Variants in GLIS3 observed in about 807,000 individuals in gnomAD.
GLIS3 encodes GLIS family zinc finger 3.
A neutral mutation model predicts 78.6 loss-of-function variants in GLIS3; 53 were observed. The ratio of observed to expected loss-of-function variants is 0.67; its 90% CI spans 0.54 to 0.85. The LOEUF (loss-of-function observed/expected upper bound fraction) is 0.85. Among genes scored for constraint, GLIS3 ranks in the 40% least tolerant of loss-of-function variants. The probability of loss-of-function intolerance (pLI) is 0.00; values close to 1 mark genes in which losing one functional copy is unlikely to be tolerated. For missense variants in GLIS3, 1,703 were observed against 1,231.1 expected (o/e 1.38, Z -5.74); for synonymous variants, 684 against 509.9 (o/e 1.34, Z -4.60).
intron 2 of GLIS3, among the ~76,000 whole-genome samples, chr9:4,333,936 G>A (rs747906078): frequency 3.3e-5 from 5 of 152,184 alleles, no homozygotes; most frequent in Non-Finnish European, 5.9e-5. Context: ...ATCCTACCTG[G>A]AATGGTGCCA....
chr9:4,361,578 C>G, the GLIS3 span, among the ~76,000 whole-genome samples: 3 of 152,206 alleles, frequency 2.0e-5, no homozygotes, highest in African/African-American at 7.2e-5. Flanking sequence ...CTCTGTTACT[C>G]GCCTGAGATG....
intron 2 of GLIS3, among the ~76,000 whole-genome samples, chr9:4,199,754 G>C (rs1819196624): frequency 6.6e-6 from 1 of 151,984 alleles, no homozygotes; most frequent in Non-Finnish European, 1.5e-5. Flanking sequence ...AGATCATTGA[G>C]GCAAAAAACA....
chr9:4,174,857 C>T (rs1004420672), intron 2 of GLIS3, among the ~76,000 whole-genome samples: 1 of 152,072 alleles, frequency 6.6e-6, no homozygotes, highest in Non-Finnish European at 1.5e-5. Flanking sequence ...GGCATCTGAC[C>T]TGGTTTAATT....
At chr9:4,385,910 C>G in the GLIS3 span, among the ~76,000 whole-genome samples, 6 of 152,154 alleles carry the variant, frequency 3.9e-5, no homozygotes, top group East Asian at 9.6e-4. Context: ...TTCTAATCTC[C>G]TGTACCACTT....
the GLIS3 span, among the ~76,000 whole-genome samples, chr9:4,471,817 G>T: frequency 6.6e-6 from 1 of 152,102 alleles, no homozygotes; most frequent in Non-Finnish European, 1.5e-5. Flanking sequence ...GAGTGAACAG[G>T]CAACCTACAG....
At chr9:4,320,703 A>G (rs375542607) in intron 2 of GLIS3, among the ~76,000 whole-genome samples, 22 of 151,886 alleles carry the variant, frequency 1.4e-4, no homozygotes, top group African/African-American at 4.8e-4. Context: ...CACCACTACT[A>G]CTATCTCTAC....
chr9:4,042,713 CCAAAAA>C (rs1390787506), intron 4 of GLIS3, among the ~76,000 whole-genome samples: 1 of 151,976 alleles, frequency 6.6e-6, no homozygotes, highest in Non-Finnish European at 1.5e-5. Flanking sequence ...AACAAAACTC[CCAAAAA>C]CAAAAACTGT....
At chr9:4,409,978 T>A in the GLIS3 span, among the ~76,000 whole-genome samples, 1 of 152,146 alleles carries the variant, frequency 6.6e-6, no homozygotes, top group East Asian at 1.9e-4. Flanking sequence ...GAGGTCTGTA[T>A]GGGTTTCTTT....
chr9:4,139,384 C>T (rs1472794496), intron 2 of GLIS3, among the ~76,000 whole-genome samples: 2 of 152,184 alleles, frequency 1.3e-5, no homozygotes, highest in South Asian at 2.1e-4. Context: ...AAGTACAGTT[C>T]AAGGCCACGA....
chr9:4,123,714 A>G (rs916769065), intron 3 of GLIS3: 1 of 397,000 alleles, frequency 2.5e-6, no homozygotes, highest in Non-Finnish European at 4.4e-6. Context: ...AGGAAAGCCT[A>G]TGTTTATTGT....
the GLIS3 span, among the ~76,000 whole-genome samples, chr9:4,443,677 T>C: frequency 1.4e-4 from 21 of 152,190 alleles, no homozygotes; most frequent in African/African-American, 2.4e-4. Flanking sequence ...GCAATGCATG[T>C]TTCTAGAGGC....
chr9:3,996,297 T>C (rs1588418797), intron 4 of GLIS3, among the ~76,000 whole-genome samples: 1 of 152,026 alleles, frequency 6.6e-6, no homozygotes, highest in Non-Finnish European at 1.5e-5. Flanking sequence ...AGTTCAGATA[T>C]AAAACAAAGA....
At chr9:4,277,432 A>G (rs180876389) in intron 2 of GLIS3, among the ~76,000 whole-genome samples, 12 of 152,354 alleles carry the variant, frequency 7.9e-5, no homozygotes, top group Admixed American at 4.6e-4. Flanking sequence ...AAGTACATTA[A>G]GTTTTTGACT....
intron 2 of GLIS3, among the ~76,000 whole-genome samples, chr9:4,321,461 A>AAAAAAAAAAAAG (rs1563932116): frequency 7.1e-6 from 1 of 140,920 alleles, no homozygotes; most frequent in Non-Finnish European, 1.5e-5. Flanking sequence ...AAAAAAAAAA[A>AAAAAAAAAAAAG]AATCAGGTGC....
At chr9:4,365,603 T>TA in the GLIS3 span, among the ~76,000 whole-genome samples, 1 of 151,770 alleles carries the variant, frequency 6.6e-6, no homozygotes. Context: ...TCAAACATAA[T>TA]AAAAACCTTG....
intron 2 of GLIS3, among the ~76,000 whole-genome samples, chr9:4,140,577 T>C (rs1833734764): frequency 6.6e-6 from 1 of 152,144 alleles, no homozygotes; most frequent in Admixed American, 6.5e-5. Context: ...AAATGGAAAG[T>C]ACCCAGCTTC....
intron 4 of GLIS3, among the ~76,000 whole-genome samples, chr9:4,088,230 CTTAAT>C (rs1030704721): frequency 6.6e-6 from 1 of 152,220 alleles, no homozygotes; most frequent in South Asian, 2.1e-4. Context: ...ACCTGCCACA[CTTAAT>C]TTAATTTACC....
At chr9:4,481,868 C>T in the GLIS3 span, among the ~76,000 whole-genome samples, 4 of 152,156 alleles carry the variant, frequency 2.6e-5, no homozygotes, top group African/African-American at 7.2e-5. Flanking sequence ...TGGGTCTACC[C>T]GCAGGGTGTG....
intron 2 of GLIS3, among the ~76,000 whole-genome samples, chr9:4,227,192 C>T (rs964474868): frequency 6.6e-6 from 1 of 151,952 alleles, no homozygotes; most frequent in East Asian, 1.9e-4. Context: ...CTAGTTTTCT[C>T]TTCCTCCCTC....
Sources: allele counts gnomAD v4.1 joint callset (sites outside exome capture counted in the v4.1 genomes callset), GRCh38; gene constraint gnomAD v4.1.1; transcripts MANE v1.5; gene names NCBI Gene and HGNC (gene_info 2026-07-23, HGNC 2026-07-21).